CDH13: variants seen among roughly 807,000 people sequenced by gnomAD.
The protein encoded by CDH13 is cadherin 13, also known as cadherin-13.
In CDH13, 24 loss-of-function variants were observed where a neutral mutation model predicts 63.8. The ratio of observed to expected loss-of-function variants is 0.38; its 90% confidence interval spans 0.27 to 0.53. The LOEUF is 0.53. CDH13 is among the 20% of genes least tolerant of loss of function. The pLI is 0.85. For synonymous variants in CDH13, 503 were observed against 355.3 expected, an observed-to-expected ratio of 1.42 and a Z score of -4.67; for missense variants, 1,049 against 903.1, an observed-to-expected ratio of 1.16 and a Z score of -2.07.
intron 10 of CDH13, among the ~76,000 whole-genome samples, chr16:83,684,012 A>C (rs771068784): frequency 1.3e-5 from 2 of 152,186 alleles, no homozygotes; most frequent in Non-Finnish European, 2.9e-5. Flanking sequence ...AAGGTAAAAT[A>C]TCCTGATGAT....
intron 10 of CDH13, among the ~76,000 whole-genome samples, chr16:83,743,597 TTTTA>T (rs2150965826): frequency 6.6e-6 from 1 of 152,250 alleles, no homozygotes. Context: ...TTAATTCAGT[TTTTA>T]TTTATCTTCT....
rs138261540 is a variant in CDH13 at position 83,209,796 on chromosome 16, G to C, written c.484-7549G>C. ...GGAGGGCTAGAGCTCAGGTGGATGA[G>C]GTTAAGTCTGCATGGAGTGGGCAGG... On this transcript the variant is annotated intron_variant, in intron 4 of 13. Coordinates refer to ENST00000567109, the MANE Select transcript of CDH13 (RefSeq NM_001257.5). Among the ~76,000 whole-genome samples the C allele has an allele frequency of 2.5e-3, 385 of 152,182 alleles. 4 individuals are homozygous for C. Among genetic ancestry groups the C allele is most frequent in the Admixed American group, 0.018 (272 of 15,282 alleles).
At chr16:82,786,236 G>A (rs928791200) in intron 1 of CDH13, among the ~76,000 whole-genome samples, 5 of 152,072 alleles carry the variant, frequency 3.3e-5, no homozygotes, top group Non-Finnish European at 5.9e-5. Flanking sequence ...CATATTCTTT[G>A]AAAAGAAATT....
At chr16:83,376,459 A>G (rs1207583906) in intron 6 of CDH13, among the ~76,000 whole-genome samples, 1 of 152,226 alleles carries the variant, frequency 6.6e-6, no homozygotes, top group Non-Finnish European at 1.5e-5. Flanking sequence ...GCAGGACAGA[A>G]ATAAATAGAT....
rs117568261 is a variant in CDH13 at position 83,407,681 on chromosome 16, T to A, written c.781+62675T>A. Among the ~76,000 whole-genome samples the A allele has an allele frequency of 9.2e-3, 1,406 of 152,348 alleles. 39 individuals are homozygous for A. The highest frequency in any genetic ancestry group is 0.072 in the East Asian group (373 of 5,190). On this transcript the variant is annotated intron_variant, in intron 6 of 13. Transcript: ENST00000567109. ...ATTTAAGCTGCAAATAAAATTAGTTTACTCATTTTTAATTTAATTCCCAGG... is the reference window on the plus strand; with the variant it reads ...ATTTAAGCTGCAAATAAAATTAGTTAACTCATTTTTAATTTAATTCCCAGG...
intron 2 of CDH13, among the ~76,000 whole-genome samples, chr16:82,992,481 G>C (rs140751089): frequency 4.6e-5 from 7 of 152,290 alleles, no homozygotes; most frequent in African/African-American, 7.2e-5. Flanking sequence ...TTTACAACCA[G>C]TCAAGGGGCA....
At chr16:83,102,971 G>C (rs1240240960) in intron 3 of CDH13, among the ~76,000 whole-genome samples, 1 of 11,210 alleles carries the variant, frequency 8.9e-5, no homozygotes, top group Non-Finnish European at 1.8e-4. Flanking sequence ...TTTTTTTTTT[G>C]AGGTGGAGTC....
intron 4 of CDH13, among the ~76,000 whole-genome samples, chr16:83,211,034 G>C (rs2039324720): frequency 6.6e-6 from 1 of 150,598 alleles, no homozygotes. Flanking sequence ...TGTAGTCCCA[G>C]CTACTTGGGA....
chr16:82,700,951 A>ACCACCCCCCCCCC (rs1567641690), intron 1 of CDH13, among the ~76,000 whole-genome samples: 3 of 13,806 alleles, frequency 2.2e-4, no homozygotes, highest in Non-Finnish European at 6.2e-4. Context: ...AAGTGCTGGA[A>ACCACCCCCCCCCC]CCCGCCCCCC....
intron 2 of CDH13, among the ~76,000 whole-genome samples, chr16:82,892,071 A>C (rs879424918): frequency 1.3e-5 from 2 of 152,100 alleles, no homozygotes; most frequent in African/African-American, 2.4e-5. Context: ...AGGCAGCTCA[A>C]CTGCCTCCCT....
intron 5 of CDH13, among the ~76,000 whole-genome samples, chr16:83,290,341 C>T (rs994794749): frequency 3.3e-5 from 5 of 152,112 alleles, no homozygotes; most frequent in Admixed American, 6.5e-5. Flanking sequence ...ATAATCCCCT[C>T]GTGTCATGGG....
At chr16:83,431,829 C>G (rs1322852326) in intron 6 of CDH13, among the ~76,000 whole-genome samples, 1 of 152,186 alleles carries the variant, frequency 6.6e-6, no homozygotes, top group East Asian at 1.9e-4. Flanking sequence ...CAGGCCCCAC[C>G]TCCAACACTG....
intron 6 of CDH13, among the ~76,000 whole-genome samples, chr16:83,451,261 A>G (rs983327577): frequency 2.0e-5 from 3 of 152,234 alleles, no homozygotes; most frequent in Non-Finnish European, 2.9e-5. Flanking sequence ...CAATCATGGC[A>G]GAAGGCGAAG....
chr16:83,092,368 C>G (rs2033958769), intron 3 of CDH13, among the ~76,000 whole-genome samples: 2 of 152,198 alleles, frequency 1.3e-5, no homozygotes, highest in Admixed American at 6.5e-5. Flanking sequence ...TACAGATCAT[C>G]TGGGCTCCTT....
intron 1 of CDH13, among the ~76,000 whole-genome samples, chr16:82,827,262 T>C (rs547251305): frequency 2.0e-5 from 3 of 152,364 alleles, no homozygotes; most frequent in South Asian, 4.1e-4. Context: ...AATTCCCTTC[T>C]AATAGGATGT....
intron 4 of CDH13, among the ~76,000 whole-genome samples, chr16:83,132,530 G>T (rs993075303): frequency 7.4e-6 from 1 of 135,260 alleles, no homozygotes; most frequent in African/African-American, 2.8e-5. Flanking sequence ...TCACTGCAAC[G>T]TCCGCCTCCC....
chr16:83,288,845 G>A (rs1352088117), intron 5 of CDH13, among the ~76,000 whole-genome samples: 1 of 152,172 alleles, frequency 6.6e-6, no homozygotes, highest in South Asian at 2.1e-4. Context: ...GAAACCAGCA[G>A]TCTAAAACAT....
intron 5 of CDH13, among the ~76,000 whole-genome samples, chr16:83,285,762 G>A (rs2089295498): frequency 6.6e-6 from 1 of 152,028 alleles, no homozygotes; most frequent in South Asian, 2.1e-4. Flanking sequence ...GGGTACCAAG[G>A]GACAATTGTA....
At chr16:83,517,111 C>T (rs1292896565) in intron 7 of CDH13, among the ~76,000 whole-genome samples, 1 of 152,156 alleles carries the variant, frequency 6.6e-6, no homozygotes, top group Non-Finnish European at 1.5e-5. Context: ...GAATCTCTTG[C>T]TGATCCCAGA....
Sources: allele counts gnomAD v4.1 joint callset (sites outside exome capture counted in the v4.1 genomes callset), GRCh38; gene constraint gnomAD v4.1.1; transcripts MANE v1.5; gene names NCBI Gene and HGNC (gene_info 2026-07-23, HGNC 2026-07-21).